Variants in ATXN8OS observed in about 807,000 individuals in gnomAD.
ATXN8OS encodes ATXN8 opposite strand lncRNA, also known as ATXN8 opposite strand (non-protein coding).
At chr13:70,141,173 C>A (rs184332796) in intron 3 of ATXN8OS, among the ~76,000 whole-genome samples, 213 of 152,196 alleles carry the variant, frequency 1.4e-3, no homozygotes, top group Non-Finnish European at 5.9e-4. Context: ...AAAGTTGATC[C>A]TTCCTCAAGT....
intron 2 of ATXN8OS, among the ~76,000 whole-genome samples, chr13:70,126,588 TTCTA>T (rs552142592): frequency 2.5e-4 from 38 of 149,272 alleles, no homozygotes; most frequent in African/African-American, 8.8e-4. Flanking sequence ...TGTAAACTAT[TTCTA>T]TCTATCTAGA....
intron 4 of ATXN8OS, among the ~76,000 whole-genome samples, chr13:70,148,235 T>C (rs1220046090): frequency 2.6e-5 from 4 of 152,124 alleles, no homozygotes; most frequent in Non-Finnish European, 5.9e-5. Flanking sequence ...CTCTACAGAG[T>C]ATAAAATTTC....
chr13:70,171,406 T>C (rs1889142599), exon 5 of ATXN8OS, among the ~76,000 whole-genome samples: 1 of 152,166 alleles, frequency 6.6e-6, no homozygotes, highest in Non-Finnish European at 1.5e-5. Context: ...GACTGGAAAT[T>C]GCTCTGGGTG....
chr13:70,134,093 T>G (rs1337531465), intron 3 of ATXN8OS, among the ~76,000 whole-genome samples: 1 of 152,174 alleles, frequency 6.6e-6, no homozygotes, highest in Non-Finnish European at 1.5e-5. Context: ...ATCAGCTAAA[T>G]AACAGGATTT....
intron 2 of ATXN8OS, among the ~76,000 whole-genome samples, chr13:70,128,614 C>T (rs953711719): frequency 6.6e-6 from 1 of 151,768 alleles, no homozygotes; most frequent in Non-Finnish European, 1.5e-5. Context: ...CAGACATAAA[C>T]CCATGTTTAA....
intron 3 of ATXN8OS, chr13:70,139,351 T>TTAC (rs375568204): frequency 0.038 from 20,930 of 546,448 alleles, 315 homozygotes; most frequent in Non-Finnish European, 0.042. Context: ...AAACCTGGCT[T>TTAC]TACTACTACT....
intron 1 of ATXN8OS, among the ~76,000 whole-genome samples, chr13:70,112,920 A>ATTT (rs759144765): frequency 3.4e-5 from 3 of 87,564 alleles, no homozygotes; most frequent in Admixed American, 1.4e-4. Context: ...TATATATATA[A>ATTT]TTTTTTTTTT....
intron 4 of ATXN8OS, among the ~76,000 whole-genome samples, chr13:70,154,498 T>G (rs1888912323): frequency 1.3e-5 from 2 of 152,196 alleles, no homozygotes; most frequent in Admixed American, 1.3e-4. Flanking sequence ...TGAATGGTTC[T>G]TATATGACTG....
chr13:70,129,242 T>TGTTATA (rs1478516772), intron 2 of ATXN8OS, among the ~76,000 whole-genome samples: 1 of 152,200 alleles, frequency 6.6e-6, no homozygotes, highest in Non-Finnish European at 1.5e-5. Context: ...TATAGCTATA[T>TGTTATA]GTTATAGTTA....
exon 1 of ATXN8OS, chr13:70,107,817 C>G: frequency 1.3e-6 from 1 of 758,096 alleles, no homozygotes; most frequent in Admixed American, 3.2e-5. Flanking sequence ...CCTCTGCACC[C>G]CTAGAGCCAG....
At chr13:70,109,587 G>C (rs1426488844) in intron 1 of ATXN8OS, among the ~76,000 whole-genome samples, 1 of 152,076 alleles carries the variant, frequency 6.6e-6, no homozygotes, top group African/African-American at 2.4e-5. Context: ...CTATTTTTAG[G>C]GGAATAAAAA....
chr13:70,158,494 C>T (rs958273329), intron 4 of ATXN8OS, among the ~76,000 whole-genome samples: 7 of 152,202 alleles, frequency 4.6e-5, no homozygotes, highest in Non-Finnish European at 1.0e-4. Context: ...AATCCTTCAG[C>T]TGCCTCCATC....
At chr13:70,110,347 T>C (rs1459416724) in intron 1 of ATXN8OS, among the ~76,000 whole-genome samples, 1 of 152,108 alleles carries the variant, frequency 6.6e-6, no homozygotes, top group Non-Finnish European at 1.5e-5. Flanking sequence ...TATATTTAAA[T>C]AAAATTCAAC....
chr13:70,159,613 A>G (rs1385021340), intron 4 of ATXN8OS, among the ~76,000 whole-genome samples: 1 of 152,138 alleles, frequency 6.6e-6, no homozygotes, highest in Non-Finnish European at 1.5e-5. Flanking sequence ...ATATGTATAC[A>G]TTTGTATAAC....
intron 3 of ATXN8OS, among the ~76,000 whole-genome samples, chr13:70,135,352 T>A (rs955648206): frequency 6.6e-6 from 1 of 152,132 alleles, no homozygotes; most frequent in Non-Finnish European, 1.5e-5. Flanking sequence ...AAACTCCTTA[T>A]CCTATTTCAT....
intron 4 of ATXN8OS, among the ~76,000 whole-genome samples, chr13:70,155,216 A>G (rs577770449): frequency 1.8e-4 from 28 of 152,260 alleles, no homozygotes; most frequent in Non-Finnish European, 3.5e-4. Flanking sequence ...ATCTGATCCA[A>G]TCATAGTTTC....
intron 1 of ATXN8OS, among the ~76,000 whole-genome samples, chr13:70,114,669 T>C (rs1888248319): frequency 6.6e-6 from 1 of 152,126 alleles, no homozygotes. Flanking sequence ...TCTTCTTAGT[T>C]GGATAATGAC....
intron 4 of ATXN8OS, among the ~76,000 whole-genome samples, chr13:70,169,225 T>C (rs1306048548): frequency 6.6e-6 from 1 of 152,170 alleles, no homozygotes; most frequent in East Asian, 1.9e-4. Context: ...AATAAATAGC[T>C]GCATTATTTG....
At chr13:70,144,304 CTT>C (rs1269672274) in intron 3 of ATXN8OS, among the ~76,000 whole-genome samples, 1 of 152,122 alleles carries the variant, frequency 6.6e-6, no homozygotes, top group Non-Finnish European at 1.5e-5. Context: ...AATTCTCCCT[CTT>C]TGCGTGACCT....
Sources: gnomAD v4.1 joint callset for allele counts (sites outside exome capture counted in the v4.1 genomes callset) on GRCh38, gnomAD v4.1.1 for gene constraint, MANE v1.5 for transcripts, NCBI Gene and HGNC (gene_info 2026-07-23, HGNC 2026-07-21) for gene names.